The following FOXD2 variants were observed in gnomAD, a reference collection of about 807,000 sequenced individuals.
The protein encoded by FOXD2 is forkhead box protein D2.
A neutral mutation model predicts 6.4 loss-of-function variants in FOXD2; 4 were observed. The ratio of observed to expected loss-of-function variants is 0.62; its 90% confidence interval spans 0.31 to 1.42. The LOEUF (loss-of-function observed/expected upper bound fraction) is 1.42. FOXD2 is among the 40% of genes most tolerant of loss of function. The pLI, the probability that FOXD2 is intolerant of heterozygous loss-of-function variation, is 0.08. For missense variants in FOXD2, 709 were observed against 766.8 expected (o/e 0.92, Z 0.89); for synonymous variants, 393 against 373.6 (o/e 1.05, Z -0.60).
chr1:47,440,371 C>G lies in FOXD2; in HGVS notation c.*748C>G, dbSNP rs1338008683. The G allele has an allele frequency of 6.0e-6, 1 of 167,076 alleles. No individual in the cohort carries two copies. The highest frequency in any genetic ancestry group is 2.4e-5 in the African/African-American group (1 of 41,434). The allele number at this position is 167,076 out of a possible 1,614,324, so 10.3% of individuals were successfully genotyped here. A position where few individuals can be genotyped will look rare whatever the true frequency, so the allele number is the denominator to read the frequency against. On this transcript the variant is annotated 3_prime_UTR_variant, in exon 1 of 1. Transcript: ENST00000334793. ...CCAGCAACCCTGTCAGTGTTCCACC[C>G]TGTCCCAGGCCCTGTGATATTTATT...
In FOXD2 at chr1:47,438,479, C is replaced by G; in HGVS notation, c.344C>G (p.Pro115Arg). Reference protein sequence around the residue: ...RGAAGPGPGPPSGGAATRSPL... With the variant: ...RGAAGPGPGPRSGGAATRSPL... ...GCAGCGGGGCCCGGGCCGGGACCGC[C>G]GTCGGGGGGCGCGGCGACGCGGAGC... Residue 115 changes from proline to arginine, a missense_variant, in exon 1 of 1, where the codon CCG becomes CGG. Physicochemically the swap from Pro to Arg is moderately radical, Grantham distance 103. Around this residue, in one of 5 missense-constraint regions of FOXD2, gnomAD observed 220 missense variants for 199.2 expected, o/e 1.10. Coordinates refer to ENST00000334793, the MANE Select transcript of FOXD2 (RefSeq NM_004474.4). The G allele has an allele frequency of 1.3e-6, 2 of 1,558,412 alleles. No homozygotes were observed. The highest frequency in any genetic ancestry group is 1.7e-6 in the Non-Finnish European group (2 of 1,153,048).
Position 47,438,103 on chromosome 1 carries a change from C to T in FOXD2, c.-33C>T, listed in dbSNP as rs994513706. The T allele has an allele frequency of 7.2e-7, 1 of 1,382,742 alleles. No homozygotes were observed. The highest frequency in any genetic ancestry group is 9.3e-7 in the Non-Finnish European group (1 of 1,072,904). 85.7% of individuals were successfully genotyped at this position (1,382,742 alleles called of 1,614,324 possible). On this transcript the variant is annotated 5_prime_UTR_variant, in exon 1 of 1. Transcript: ENST00000334793. ...AGCCCGAGCCGCTGCCGGAGCGGAG[C>T]CGGAGAGTGGCGGCGGCGGCGGCAG...
rs1646998601 is a variant in FOXD2 at position 47,439,905 on chromosome 1, T to C, written c.*282T>C. The C allele has an allele frequency of 2.4e-6, 1 of 422,478 alleles. No individual in the cohort carries two copies. Among genetic ancestry groups the C allele is most frequent in the Non-Finnish European group, 4.4e-6 (1 of 229,604 alleles). 26.2% of individuals were successfully genotyped at this position (422,478 alleles called of 1,614,324 possible). On this transcript the variant is annotated 3_prime_UTR_variant, in exon 1 of 1. Transcript: ENST00000334793. ...AGCAGGGGGGTGGGGGCTTCGTTTT[T>C]TTCCCTGCCTCTGCGCCTCTCGGGG...
Position 47,439,264 on chromosome 1 carries a change from G to C in FOXD2, c.1129G>C (p.Gly377Arg), listed in dbSNP as rs1441394937. The change falls in exon 1 of 1, where the codon GGC (glycine) becomes CGC (arginine). Residue 377 changes from glycine to arginine, a missense_variant. By Grantham distance (125) the Gly-to-Arg change is moderately radical. This residue lies in a region of FOXD2 where 322 missense variants were observed against 313.8 expected (regional missense o/e 1.03). Transcript: ENST00000334793. ...GGCGTCCCTGAGTCCTCCCGCAGCC[G>C]GCACCGCGGCGGGTCTGCCCACCGC... ...YAASLSPPAAGTAAGLPTALL... is the reference protein window; with the variant it reads ...YAASLSPPAARTAAGLPTALL... 3.3e-6 allele frequency: 5 copies of C among 1,503,998 alleles called. No homozygotes were observed. Among genetic ancestry groups the C allele is most frequent in the Non-Finnish European group, 4.4e-6 (5 of 1,138,108 alleles). 93.2% of individuals were successfully genotyped at this position (1,503,998 alleles called of 1,614,324 possible).
rs577243232 is a variant in FOXD2 at position 47,439,429 on chromosome 1, G to A, written c.1294G>A (p.Glu432Lys). 2 of 1,540,054 alleles carry A rather than the reference G, an allele frequency of 1.3e-6. No individual in the cohort carries two copies. The highest frequency in any genetic ancestry group is 1.4e-5 in the African/African-American group (1 of 73,164). The change falls in exon 1 of 1, where the codon GAG becomes AAG. Residue 432 changes from glutamate (E) to lysine (K), a missense_variant. Transcript: ENST00000334793. ...CGGGGCAGCACCCCCGGGCGCCGGCGAGGGCTCTCCGGGACCGCCATTCGC... is the reference window on the plus strand; with the variant it reads ...CGGGGCAGCACCCCCGGGCGCCGGCAAGGGCTCTCCGGGACCGCCATTCGC... ...GGGAAPPGAG[E>K]GSPGPPFAAA...
At position 47,439,495 on chromosome 1, in the gene FOXD2, A is replaced by G. The variant is rs1646996405; in HGVS notation, c.1360A>G (p.Met454Val). 6.4e-7 allele frequency: 1 copy of G among 1,550,842 alleles called. No homozygotes were observed. Among genetic ancestry groups the G allele is most frequent in the African/African-American group, 1.4e-5 (1 of 73,518 alleles). The change falls in exon 1 of 1, where the codon ATG becomes GTG. Residue 454 changes from methionine (M) to valine (V), a missense_variant. By Grantham distance (21) the Met-to-Val change is conservative. This residue lies in a region of FOXD2 where 322 missense variants were observed against 313.8 expected (regional missense o/e 1.03). Transcript: ENST00000334793. ...GPGGQAQVLA[M>V]LTAPALAPVA... ...TGGGGGCCAAGCCCAGGTCTTGGCC[A>G]TGCTGACTGCTCCGGCCCTGGCTCC... is the stretch of plus-strand genomic sequence containing the variant.
chr1:47,439,639 GGCC>G lies in FOXD2; in HGVS notation c.*18_*20del. 6.5e-7 allele frequency: 1 copy of G among 1,545,442 alleles called. No homozygotes were observed. The highest frequency in any genetic ancestry group is 2.5e-5 in the East Asian group (1 of 40,660). ...CCACTTCTGACCGCAGCAGGCCCAGGGCCGGTTAGGTCCGCACTCCTCAGCCTC... is the reference window on the plus strand; with the variant it reads ...CCACTTCTGACCGCAGCAGGCCCAGGGGTTAGGTCCGCACTCCTCAGCCTC... On this transcript the variant is annotated 3_prime_UTR_variant, in exon 1 of 1. Coordinates refer to ENST00000334793, the MANE Select transcript of FOXD2 (RefSeq NM_004474.4).
rs761637448 is a variant in FOXD2 at position 47,438,505 on chromosome 1, C to T, written c.370C>T (p.Pro124Ser). 1 of 1,596,230 alleles carries T rather than the reference C, an allele frequency of 6.3e-7. No homozygotes were observed. The highest frequency in any genetic ancestry group is 8.5e-7 in the Non-Finnish European group (1 of 1,172,360). ...GTCGGGGGGCGCGGCGACGCGGAGC[C>T]CGCTGGTGAAGCCGCCCTACTCGTA... ...PPSGGAATRS[P>S]LVKPPYSYIA... The change falls in exon 1 of 1, where the codon CCG becomes TCG. Residue 124 changes from proline to serine, a missense_variant. Pro to Ser is a moderately conservative substitution (Grantham distance 74). This residue lies in a region of FOXD2 where 220 missense variants were observed against 199.2 expected (regional missense o/e 1.10). Coordinates refer to ENST00000334793, the MANE Select transcript of FOXD2 (RefSeq NM_004474.4).
chr1:47,439,306 C>G lies in FOXD2; in HGVS notation c.1171C>G (p.Leu391Val). Residue 391 changes from leucine to valine, a missense_variant, in exon 1 of 1, where the codon CTC (leucine) becomes GTC (valine). Coordinates refer to ENST00000334793, the MANE Select transcript of FOXD2 (RefSeq NM_004474.4). Reference sequence around the variant, plus strand: ...GCCCACCGCACTTCTGCGCCAGGGCCTCAAGACGGACGCGGGCGGTGGTGC... The same window carrying G: ...GCCCACCGCACTTCTGCGCCAGGGCGTCAAGACGGACGCGGGCGGTGGTGC... ...GLPTALLRQG[L>V]KTDAGGGAGG... 6.7e-7 allele frequency: 1 copy of G among 1,485,636 alleles called. No homozygotes were observed. Among genetic ancestry groups the G allele is most frequent in the Non-Finnish European group, 8.8e-7 (1 of 1,130,628 alleles). 92.0% of individuals were successfully genotyped at this position (1,485,636 alleles called of 1,614,324 possible).
chr1:47,439,401 C>T lies in FOXD2; in HGVS notation c.1266C>T (p.Gly422=). 2 of 1,544,202 alleles carry T rather than the reference C, an allele frequency of 1.3e-6. No homozygotes were observed. Among genetic ancestry groups the T allele is most frequent in the East Asian group, 2.3e-5 (1 of 42,758 alleles). ...TAGACCACATCATGGGCCACGGTGG[C>T]GGCGGGGCAGCACCCCCGGGCGCCG... ...FSIDHIMGHG[G]GGAAPPGAGE... is the part of the protein sequence containing the mutation. The change falls in exon 1 of 1, where the codon GGC becomes GGT. Residue 422 remains glycine (G), a synonymous_variant. Coordinates refer to ENST00000334793, the MANE Select transcript of FOXD2 (RefSeq NM_004474.4).
At position 47,439,522 on chromosome 1, in the gene FOXD2, G is replaced by A. The variant is rs1646996529; in HGVS notation, c.1387G>A (p.Val463Ile). The change falls in exon 1 of 1, where the codon GTT becomes ATT. Residue 463 changes from valine (V) to isoleucine (I), a missense_variant. By Grantham distance (29) the Val-to-Ile change is conservative. Around this residue, in one of 5 missense-constraint regions of FOXD2, gnomAD observed 322 missense variants for 313.8 expected, o/e 1.03. Transcript: ENST00000334793. ...GCTGACTGCTCCGGCCCTGGCTCCC[G>A]TTGCTGGCCACATTCGCCTCTCGCA... ...AMLTAPALAP[V>I]AGHIRLSHPG... The A allele has an allele frequency of 1.9e-6, 3 of 1,551,696 alleles. No individual in the cohort carries two copies. The highest frequency in any genetic ancestry group is 2.4e-5 in the East Asian group (1 of 41,362).
At position 47,438,284 on chromosome 1, in the gene FOXD2, A is replaced by G; in HGVS notation, c.149A>G (p.Asp50Gly). Reference sequence around the variant, plus strand: ...CGCTCCGGGCCCCGCGCCCCCCGGGACGTGCTCCCCCACGGCCACGAGCCT... The same window carrying G: ...CGCTCCGGGCCCCGCGCCCCCCGGGGCGTGCTCCCCCACGGCCACGAGCCT... Reference protein sequence around the residue: ...PARSGPRAPRDVLPHGHEPPA... With the variant: ...PARSGPRAPRGVLPHGHEPPA... The change falls in exon 1 of 1, where the codon GAC becomes GGC. Residue 50 changes from aspartate to glycine, a missense_variant. Physicochemically the swap from Asp to Gly is moderately conservative, Grantham distance 94. Around this residue, in one of 5 missense-constraint regions of FOXD2, gnomAD observed 220 missense variants for 199.2 expected, o/e 1.10. Transcript: ENST00000334793. The G allele has an allele frequency of 7.4e-7, 1 of 1,343,232 alleles. No individual in the cohort carries two copies. Among genetic ancestry groups the G allele is most frequent in the Non-Finnish European group, 9.5e-7 (1 of 1,050,352 alleles). 83.2% of individuals were successfully genotyped at this position (1,343,232 alleles called of 1,614,324 possible).
chr1:47,439,420 G>T lies in FOXD2; in HGVS notation c.1285G>T (p.Gly429Cys). Residue 429 changes from glycine to cysteine, a missense_variant, in exon 1 of 1, where the codon GGC (glycine) becomes TGC (cysteine). Physicochemically the swap from Gly to Cys is radical, Grantham distance 159. Coordinates refer to ENST00000334793, the MANE Select transcript of FOXD2 (RefSeq NM_004474.4). ...CGGTGGCGGCGGGGCAGCACCCCCG[G>T]GCGCCGGCGAGGGCTCTCCGGGACC... Reference protein sequence around the residue: ...GHGGGGAAPPGAGEGSPGPPF... With the variant: ...GHGGGGAAPPCAGEGSPGPPF... 1 of 1,539,544 alleles carries T rather than the reference G, an allele frequency of 6.5e-7. No individual in the cohort carries two copies. The highest frequency in any genetic ancestry group is 8.7e-7 in the Non-Finnish European group (1 of 1,150,168).
rs531956741 is a variant in FOXD2, at chr1:47,439,900, G to GT, written c.*284dup. Reference sequence around the variant, plus strand: ...ATAAAAGCAGGGGGGTGGGGGCTTCGTTTTTTTCCCTGCCTCTGCGCCTCT... The same window carrying GT: ...ATAAAAGCAGGGGGGTGGGGGCTTCGTTTTTTTTCCCTGCCTCTGCGCCTCT... On this transcript the variant is annotated 3_prime_UTR_variant, in exon 1 of 1. Coordinates refer to ENST00000334793, the MANE Select transcript of FOXD2 (RefSeq NM_004474.4). The GT allele has an allele frequency of 8.1e-4, 356 of 436,956 alleles. 3 individuals are homozygous for GT. In the Middle Eastern group the frequency reaches 9.1e-3, roughly 11 times the overall value. The allele number at this position is 436,956 out of a possible 1,614,324, so 27.1% of individuals were successfully genotyped here.
rs772949572 is a variant in FOXD2 at position 47,438,653 on chromosome 1, A to G, written c.518A>G (p.Asn173Ser). The stretch of plus-strand genomic sequence containing the variant: ...CGGGAGAAGTTCCCCGCCTGGCAGA[A>G]CAGCATCCGCCACAACCTCTCTCTC... ...YYREKFPAWQ[N>S]SIRHNLSLND... Residue 173 changes from asparagine (N) to serine (S), a missense_variant, in exon 1 of 1, where the codon AAC becomes AGC. Coordinates refer to ENST00000334793, the MANE Select transcript of FOXD2 (RefSeq NM_004474.4). The G allele has an allele frequency of 6.2e-7, 1 of 1,613,964 alleles. No individual in the cohort carries two copies. Among genetic ancestry groups the G allele is most frequent in the Non-Finnish European group, 8.5e-7 (1 of 1,179,964 alleles).
chr1:47,439,434 C>T lies in FOXD2; in HGVS notation c.1299C>T (p.Gly433=). The change falls in exon 1 of 1, where the codon GGC becomes GGT. Residue 433 remains glycine, a synonymous_variant. Coordinates refer to ENST00000334793, the MANE Select transcript of FOXD2 (RefSeq NM_004474.4). ...CAGCACCCCCGGGCGCCGGCGAGGG[C>T]TCTCCGGGACCGCCATTCGCGGCAG... ...GGAAPPGAGE[G]SPGPPFAAAA... The T allele has an allele frequency of 6.5e-7, 1 of 1,540,006 alleles. No individual in the cohort carries two copies. Among genetic ancestry groups the T allele is most frequent in the South Asian group, 1.2e-5 (1 of 84,220 alleles).
chr1:47,438,277 C>A lies in FOXD2; in HGVS notation c.142C>A (p.Pro48Thr). Residue 48 changes from proline to threonine, a missense_variant, in exon 1 of 1, where the codon CCC (proline) becomes ACC (threonine). Coordinates refer to ENST00000334793, the MANE Select transcript of FOXD2 (RefSeq NM_004474.4). Reference sequence around the variant, plus strand: ...CCCAGCTCGCTCCGGGCCCCGCGCCCCCCGGGACGTGCTCCCCCACGGCCA... The same window carrying A: ...CCCAGCTCGCTCCGGGCCCCGCGCCACCCGGGACGTGCTCCCCCACGGCCA... ...ELPARSGPRAPRDVLPHGHEP... is the reference protein window; with the variant it reads ...ELPARSGPRATRDVLPHGHEP... The A allele has an allele frequency of 1.5e-6, 2 of 1,349,214 alleles. No homozygotes were observed. Among genetic ancestry groups the A allele is most frequent in the Non-Finnish European group, 9.5e-7 (1 of 1,053,606 alleles). The allele number at this position is 1,349,214 out of a possible 1,614,324, so 83.6% of individuals were successfully genotyped here. A position where few individuals can be genotyped will look rare whatever the true frequency, so the allele number is the denominator to read the frequency against.
Position 47,438,053 on chromosome 1 carries a change from A to C in FOXD2, c.-83A>C. The C allele has an allele frequency of 1.6e-6, 2 of 1,230,256 alleles. No individual in the cohort carries two copies. The highest frequency in any genetic ancestry group is 2.0e-6 in the Non-Finnish European group (2 of 978,638). 76.2% of individuals were successfully genotyped at this position (1,230,256 alleles called of 1,614,324 possible). On this transcript the variant is annotated 5_prime_UTR_variant, in exon 1 of 1. Coordinates refer to ENST00000334793, the MANE Select transcript of FOXD2 (RefSeq NM_004474.4). ...CCCTCCCCGCCCGCGCGCAAAACGC[A>C]CTCGCCCCAGAGGCAGCGCGGCCGA...
Position 47,438,884 on chromosome 1 carries a change from CG to C in FOXD2, c.754del (p.Asp252IlefsTer120). On this transcript the variant is annotated frameshift_variant, in exon 1 of 1. Coordinates refer to ENST00000334793, the MANE Select transcript of FOXD2 (RefSeq NM_004474.4). LOFTEE classifies it low-confidence loss of function (END_TRUNC). ...ELLLRGGAAA[A>X]GDPGAFLPGF... ...CTGCTGCGTGGCGGGGCCGCGGCGG[CG>C]GGGGATCCCGGCGCTTTCCTGCCCG... The C allele has an allele frequency of 1.3e-6, 2 of 1,565,000 alleles. No homozygotes were observed. The highest frequency in any genetic ancestry group is 1.7e-6 in the Non-Finnish European group (2 of 1,156,562).
Sources: gnomAD v4.1 joint callset for allele counts on GRCh38, gnomAD v4.1.1 for gene constraint, gnomAD v4.1.1 regional missense constraint, MANE v1.5 for transcripts, NCBI Gene and HGNC (gene_info 2026-07-23, HGNC 2026-07-21) for gene names.